Variants in GPR55 observed in about 807,000 individuals in gnomAD.
GPR55 encodes G protein-coupled receptor 55, also known as G-protein coupled receptor 55.
In GPR55, 6 loss-of-function variants were observed where a neutral mutation model predicts 7.9. That is an observed-to-expected ratio of 0.76 (90% CI 0.41 to 1.49). GPR55 has a LOEUF of 1.49. Among genes scored for constraint, GPR55 ranks in the 40% most tolerant of loss-of-function variants. The pLI is 0.01. For missense variants in GPR55, 376 were observed against 406.0 expected, an observed-to-expected ratio of 0.93 and a Z score of 0.63; for synonymous variants, 183 against 166.8, an observed-to-expected ratio of 1.10 and a Z score of -0.75.
chr2:230,939,046 G>A (rs1691177825), intron 1 of GPR55, among the ~76,000 whole-genome samples: 1 of 152,222 alleles, frequency 6.6e-6, no homozygotes, highest in Non-Finnish European at 1.5e-5. Flanking sequence ...GCCAGTTCTC[G>A]AGATGGAGAC....
In GPR55 at chr2:230,950,078, C is replaced by T. The variant is rs112138632; in HGVS notation, c.-135+10697G>A. On this transcript the variant is annotated intron_variant, in intron 1 of 1. Transcript: ENST00000392039. The stretch of plus-strand genomic sequence containing the variant: ...CGCCTGACATCGTGATCCACCCTCT[C>T]GGCCTCCCCAAGTGCTGGGATTACA... 4.4e-3 allele frequency among the ~76,000 whole-genome samples: 673 copies of T among 152,310 alleles called. 2 individuals are homozygous for T. Among genetic ancestry groups the T allele is most frequent in the Non-Finnish European group, 7.6e-3 (520 of 68,024 alleles).
chr2:230,915,834 G>A (rs915436124), intron 1 of GPR55, among the ~76,000 whole-genome samples: 2 of 98,946 alleles, frequency 2.0e-5, no homozygotes, highest in Middle Eastern at 4.6e-3. Flanking sequence ...CCAACCAGGC[G>A]TTCTTCTGGT....
chr2:230,950,623 A>T (rs1233362192), intron 1 of GPR55, among the ~76,000 whole-genome samples: 1 of 152,170 alleles, frequency 6.6e-6, no homozygotes, highest in East Asian at 1.9e-4. Flanking sequence ...ATTCACAAGA[A>T]GTGACATGTG....
intron 1 of GPR55, among the ~76,000 whole-genome samples, chr2:230,947,629 A>G (rs949428124): frequency 7.4e-5 from 11 of 149,378 alleles, no homozygotes; most frequent in African/African-American, 2.7e-4. Context: ...TCAGCCTCCC[A>G]CGTAGCTGGG....
Sources: allele counts gnomAD v4.1 joint callset (sites outside exome capture counted in the v4.1 genomes callset), GRCh38; gene constraint gnomAD v4.1.1; transcripts MANE v1.5; gene names NCBI Gene and HGNC (gene_info 2026-07-23, HGNC 2026-07-21).